Variants in TRPV5 observed in about 807,000 individuals in gnomAD.
The protein encoded by TRPV5 is calcium transport protein 2.
Under a neutral mutation model 74.1 loss-of-function variants are expected in TRPV5, and 66 were observed. The ratio of observed to expected loss-of-function variants is 0.89; its 90% CI spans 0.73 to 1.09. The LOEUF is 1.09. TRPV5 is among the 50% of genes least tolerant of loss of function. The pLI, the probability that TRPV5 is intolerant of heterozygous loss-of-function variation, is 0.00. For synonymous variants in TRPV5, 399 were observed against 360.7 expected (o/e 1.11, Z -1.20); for missense variants, 936 against 930.4 (o/e 1.01, Z -0.08).
At chr7:142,930,265 G>A in intron 2 of TRPV5, 84 bp downstream of exon 2, 1 of 1,609,280 alleles carries the variant, frequency 6.2e-7, no homozygotes. Flanking sequence ...ACCCTCCAAG[G>A]CCCTATTTCA....
At chr7:142,909,182 G>A (rs995739137) in intron 14 of TRPV5, among the ~76,000 whole-genome samples, 2 of 152,120 alleles carry the variant, frequency 1.3e-5, no homozygotes, top group Non-Finnish European at 2.9e-5. Context: ...GTCACGCCGG[G>A]AGATGAGGGC....
At chr7:142,914,618 A>G in intron 12 of TRPV5, 22 bp downstream of exon 12, 6 of 1,606,766 alleles carry the variant, frequency 3.7e-6, no homozygotes, top group Non-Finnish European at 5.1e-6. Flanking sequence ...CTGATCTAGT[A>G]GAGGAGTGTA....
Position 142,933,442 on chromosome 7 carries a change from A to T in TRPV5, c.18T>A (p.Pro6=). 1 of 1,613,660 alleles carries T rather than the reference A, an allele frequency of 6.2e-7. No homozygotes were observed. Among genetic ancestry groups the T allele is most frequent in the African/African-American group, 1.3e-5 (1 of 74,984 alleles). MGGFL[P]KAEGPGSQLQ... is the part of the protein sequence containing the mutation. ...GTTGGCTCCCGGGCCCTTCTGCCTT[A>T]GGTAGAAAACCCCCCATGTCTTCTC... Residue 6 remains proline, a synonymous_variant, in exon 1 of 15, where the codon CCT becomes CCA. Transcript: ENST00000265310.
chr7:142,924,254 GTATATATATACATA>G (rs1563374863), intron 8 of TRPV5, among the ~76,000 whole-genome samples: 1 of 118,908 alleles, frequency 8.4e-6, no homozygotes, highest in African/African-American at 3.7e-5. Flanking sequence ...ACATATACAT[GTATATATATACATA>G]TATATATATA....
At chr7:142,910,139 C>A (rs1795680211) in intron 13 of TRPV5, among the ~76,000 whole-genome samples, 1 of 152,120 alleles carries the variant, frequency 6.6e-6, no homozygotes, top group South Asian at 2.1e-4. Context: ...ACATGGGAAA[C>A]AAGCTTATCA....
intron 13 of TRPV5, among the ~76,000 whole-genome samples, 188 bp downstream of exon 13, chr7:142,912,294 C>T (rs1012462537): frequency 5.9e-5 from 9 of 152,228 alleles, no homozygotes; most frequent in African/African-American, 1.9e-4. Context: ...CACTATCGTC[C>T]ATTTAATCCT....
At position 142,928,743 on chromosome 7, in the gene TRPV5, T is replaced by C. The variant is rs1014758260; in HGVS notation, c.710A>G (p.Asn237Ser). 78 of 1,614,052 alleles carry C rather than the reference T, an allele frequency of 4.8e-5. No homozygotes were observed. The highest frequency in any genetic ancestry group is 6.4e-5 in the Non-Finnish European group (76 of 1,180,038). ...DHLQPLDLVP[N>S]HQGLTPFKLA... is the part of the protein sequence containing the mutation. ...CTTGAAGGGGGTGAGACCCTGGTGA[T>C]TGGGCACAAGGTCCAGGGGCTGCAG... Residue 237 changes from asparagine to serine, a missense_variant, in exon 6 of 15, where the codon AAT (asparagine) becomes AGT (serine). Coordinates refer to ENST00000265310, the MANE Select transcript of TRPV5 (RefSeq NM_019841.7).
chr7:142,913,681 TG>T (rs557755645), intron 12 of TRPV5, among the ~76,000 whole-genome samples: 1 of 152,240 alleles, frequency 6.6e-6, no homozygotes, highest in Admixed American at 6.5e-5. Flanking sequence ...GTTGTTGTTT[TG>T]TTTTGTTTGT....
At position 142,931,529 on chromosome 7, in the gene TRPV5, T is replaced by G. The variant is rs4252390; in HGVS notation, c.129-1083A>C. Among the ~76,000 whole-genome samples the G allele has an allele frequency of 1.8e-3, 267 of 152,168 alleles. 1 individual carries two copies. Among genetic ancestry groups the G allele is most frequent in the African/African-American group, 6.2e-3 (256 of 41,512 alleles). On this transcript the variant is annotated intron_variant, in intron 1 of 14. Transcript: ENST00000265310. ...ACCCAGATTTGAACCCAGAAAGAGA[T>G]AAAGCTGGAGCCTCTCCAACTAGAC...
chr7:142,909,644 G>A (rs1795674468), intron 13 of TRPV5, 48 bp from the exon 14 acceptor site: 2 of 1,589,780 alleles, frequency 1.3e-6, no homozygotes, highest in South Asian at 1.1e-5. Flanking sequence ...GAGCCATGAG[G>A]TTCAAAGAGG....
chr7:142,931,332 C>T (rs1374014361), intron 1 of TRPV5, among the ~76,000 whole-genome samples: 2 of 152,056 alleles, frequency 1.3e-5, no homozygotes, highest in Non-Finnish European at 2.9e-5. Flanking sequence ...TATTTAGATA[C>T]AGGTCCCTGC....
intron 3 of TRPV5, 87 bp from the exon 4 acceptor site, chr7:142,929,652 G>T: frequency 6.4e-7 from 1 of 1,556,838 alleles, no homozygotes; most frequent in South Asian, 1.2e-5. Flanking sequence ...CTCTCAGGAG[G>T]TTCCTGATAG....
At chr7:142,919,486 G>A (rs897935880) in intron 8 of TRPV5, among the ~76,000 whole-genome samples, 16 of 152,258 alleles carry the variant, frequency 1.1e-4, no homozygotes, top group Admixed American at 1.3e-4. Context: ...ACAACTAATC[G>A]TGCTTTTCTG....
chr7:142,933,183 A>G, intron 1 of TRPV5, 149 bp downstream of exon 1: 2 of 1,128,548 alleles, frequency 1.8e-6, no homozygotes, highest in South Asian at 3.3e-5. Flanking sequence ...GGGATTCTGT[A>G]ATTAGGTGGG....
rs4252409 is a variant in TRPV5 at position 142,928,881 on chromosome 7, G to C, written c.587-15C>G. On this transcript the variant is annotated splice_polypyrimidine_tract_variant and intron_variant, in intron 5 of 14. Coordinates refer to ENST00000265310, the MANE Select transcript of TRPV5 (RefSeq NM_019841.7). ...TACTGTGTTTCCTGGGGAGGACGCA[G>C]GGTATCATGTGGCCACTGGCCTAAA... 2,913 of 1,613,608 alleles carry C rather than the reference G, an allele frequency of 1.8e-3. 45 individuals are homozygous for C. In the African/African-American group the frequency reaches 0.033, roughly 18 times the overall value.
chr7:142,913,013 C>A (rs909394315), intron 12 of TRPV5, among the ~76,000 whole-genome samples: 1 of 152,114 alleles, frequency 6.6e-6, no homozygotes, highest in African/African-American at 2.4e-5. Flanking sequence ...AGTCATTTAA[C>A]AACAACAAAA....
rs763753833 is a variant in TRPV5 at position 142,914,878 on chromosome 7, G to T, written c.1452+3C>A. The T allele has an allele frequency of 3.7e-6, 6 of 1,614,108 alleles. No homozygotes were observed. Among genetic ancestry groups the T allele is most frequent in the Non-Finnish European group, 5.1e-6 (6 of 1,179,986 alleles). On this transcript the variant is annotated splice_donor_region_variant and intron_variant, in intron 11 of 14. Transcript: ENST00000265310. Reference sequence around the variant, plus strand: ...GCGGAGGAAGCTTCGGGAAAGCACTGACCTTCTGGATCATGATGGTGAAGG... The same window carrying T: ...GCGGAGGAAGCTTCGGGAAAGCACTTACCTTCTGGATCATGATGGTGAAGG...
At position 142,915,030 on chromosome 7, in the gene TRPV5, G is replaced by A. The variant is rs1024737831; in HGVS notation, c.1303C>T (p.Leu435=). 31 of 1,613,798 alleles carry A rather than the reference G, an allele frequency of 1.9e-5. No individual in the cohort carries two copies. The highest frequency in any genetic ancestry group is 2.5e-5 in the Non-Finnish European group (29 of 1,179,952). ...FHVIIITYAS[L]VLVTMVMRLT... The stretch of plus-strand genomic sequence containing the variant: ...CGCATCACCATGGTCACCAGCACCA[G>A]GGAGGCATAGGTGATGCTGGGGGAG... The change falls in exon 11 of 15, where the codon CTG becomes TTG. Residue 435 remains leucine (L), a synonymous_variant. Coordinates refer to ENST00000265310, the MANE Select transcript of TRPV5 (RefSeq NM_019841.7).
intron 1 of TRPV5, among the ~76,000 whole-genome samples, chr7:142,931,891 G>A (rs1017946033): frequency 5.9e-5 from 9 of 151,966 alleles, no homozygotes; most frequent in Non-Finnish European, 1.2e-4. Flanking sequence ...TGGTAGAGAC[G>A]GGGTTTCAGC....
Sources: gnomAD v4.1 joint callset for allele counts (sites outside exome capture counted in the v4.1 genomes callset) on GRCh38, gnomAD v4.1.1 for gene constraint, MANE v1.5 for transcripts, NCBI Gene and HGNC (gene_info 2026-07-23, HGNC 2026-07-21) for gene names.